SSPN: variants seen among roughly 807,000 people sequenced by gnomAD.
SSPN encodes the protein K-ras oncogene-associated protein.
Under a neutral mutation model 19.1 loss-of-function variants are expected in SSPN, and 15 were observed. The ratio of observed to expected loss-of-function variants is 0.78; its 90% confidence interval spans 0.52 to 1.21. The LOEUF is 1.21. Among genes scored for constraint, SSPN ranks in the 50% most tolerant of loss-of-function variants. SSPN has a pLI of 0.00. For synonymous variants in SSPN, 147 were observed against 140.3 expected (o/e 1.05, Z -0.34); for missense variants, 291 against 314.0 (o/e 0.93, Z 0.55).
intron 1 of SSPN, among the ~76,000 whole-genome samples, chr12:26,156,728 C>T (rs1236743356): frequency 6.6e-6 from 1 of 152,154 alleles, no homozygotes; most frequent in Non-Finnish European, 1.5e-5. Flanking sequence ...ATATAGAGAG[C>T]AGCTCAGGAA....
At chr12:26,218,679 C>T (rs1158767959) in intron 1 of SSPN, among the ~76,000 whole-genome samples, 3 of 152,114 alleles carry the variant, frequency 2.0e-5, no homozygotes, top group African/African-American at 4.8e-5. Context: ...ATATTCTCTC[C>T]AGTCTTTCTG....
intron 1 of SSPN, among the ~76,000 whole-genome samples, chr12:26,143,199 A>G (rs867963483): frequency 2.6e-5 from 4 of 152,232 alleles, no homozygotes; most frequent in African/African-American, 9.6e-5. Flanking sequence ...TCATTTGATT[A>G]AGTATAAAGT....
chr12:26,190,400 G>A (rs1944780039), upstream of SSPN, among the ~76,000 whole-genome samples: 1 of 152,212 alleles, frequency 6.6e-6, no homozygotes, highest in South Asian at 2.1e-4. Flanking sequence ...CTTTCAAGAT[G>A]CATTAGCCGC....
At chr12:26,155,366 C>T (rs569967742) in intron 1 of SSPN, among the ~76,000 whole-genome samples, 1 of 152,120 alleles carries the variant, frequency 6.6e-6, no homozygotes, top group Admixed American at 6.5e-5. Flanking sequence ...GATGGGAGCA[C>T]GTATCTGAAA....
At chr12:26,148,747 T>C (rs1047162435) in intron 1 of SSPN, among the ~76,000 whole-genome samples, 1 of 152,212 alleles carries the variant, frequency 6.6e-6, no homozygotes, top group Non-Finnish European at 1.5e-5. Context: ...TCAGTTGTGC[T>C]TCTAGGTGAC....
chr12:26,207,966 C>T (rs182529247), intron 1 of SSPN, among the ~76,000 whole-genome samples: 1 of 150,112 alleles, frequency 6.7e-6, no homozygotes, highest in East Asian at 2.0e-4. Flanking sequence ...CACCACCGCA[C>T]TTCAGCCTGG....
chr12:26,221,102 CA>C (rs1347853635), intron 1 of SSPN, among the ~76,000 whole-genome samples: 1 of 152,236 alleles, frequency 6.6e-6, no homozygotes, highest in Non-Finnish European at 1.5e-5. Context: ...CCTATTGCTG[CA>C]AACACATCTT....
At chr12:26,130,987 G>A (rs1327912345) in intron 1 of SSPN, among the ~76,000 whole-genome samples, 1 of 151,850 alleles carries the variant, frequency 6.6e-6, no homozygotes, top group Non-Finnish European at 1.5e-5. Flanking sequence ...AGGCTCCACA[G>A]CAATATAGGG....
intron 1 of SSPN, among the ~76,000 whole-genome samples, chr12:26,188,001 A>G (rs1944764724): frequency 6.6e-6 from 1 of 152,178 alleles, no homozygotes; most frequent in Non-Finnish European, 1.5e-5. Flanking sequence ...CAGGGCTAGG[A>G]TACTGGCTAA....
chr12:26,216,204 A>G (rs192279453), intron 1 of SSPN, among the ~76,000 whole-genome samples: 21 of 152,270 alleles, frequency 1.4e-4, no homozygotes, highest in African/African-American at 4.6e-4. Context: ...TAAACCCTAC[A>G]CCAGACATCA....
At chr12:26,228,830 T>G (rs113632103) in intron 2 of SSPN, among the ~76,000 whole-genome samples, 1 of 152,074 alleles carries the variant, frequency 6.6e-6, no homozygotes, top group Non-Finnish European at 1.5e-5. Context: ...AAACTCCAAT[T>G]TTTGCATAAA....
chr12:26,203,584 G>A (rs1001003054), intron 1 of SSPN, among the ~76,000 whole-genome samples: 1 of 152,194 alleles, frequency 6.6e-6, no homozygotes, highest in African/African-American at 2.4e-5. Flanking sequence ...AAGAGTAACT[G>A]TCAGATGCCT....
intron 1 of SSPN, among the ~76,000 whole-genome samples, chr12:26,222,448 G>A (rs554671054): frequency 6.6e-6 from 1 of 152,300 alleles, no homozygotes; most frequent in Admixed American, 6.5e-5. Flanking sequence ...TTTGAAGCTG[G>A]CCCTGGGGTA....
rs750449309 is a variant in SSPN at position 26,123,179 on chromosome 12, G to A, written c.-31+1027G>A. ...TCAGAGATCGCTCCCCTAGGATGAGGAAGGGATGGGGGTGGGGGACGGAGG... is the reference window on the plus strand; with the variant it reads ...TCAGAGATCGCTCCCCTAGGATGAGAAAGGGATGGGGGTGGGGGACGGAGG... On this transcript the variant is annotated intron_variant, in intron 1 of 2. Transcript: ENST00000538142. The A allele has an allele frequency of 3.2e-6, 5 of 1,577,696 alleles. No individual in the cohort carries two copies. In the East Asian group the frequency reaches 1.1e-4, roughly 36 times the overall value.
intron 1 of SSPN, chr12:26,123,248 A>T: frequency 6.8e-7 from 1 of 1,472,004 alleles, no homozygotes; most frequent in African/African-American, 1.4e-5. Flanking sequence ...ACATCTGCTT[A>T]TCACGTGGGC....
chr12:26,155,898 A>T (rs541211581), intron 1 of SSPN, among the ~76,000 whole-genome samples: 1 of 152,254 alleles, frequency 6.6e-6, no homozygotes, highest in East Asian at 1.9e-4. Flanking sequence ...CAGGTAGAGG[A>T]TCTGAGTTCT....
chr12:26,145,644 C>T (rs17464196), intron 1 of SSPN, among the ~76,000 whole-genome samples: 40,656 of 152,116 alleles, frequency 0.27, 5,644 homozygotes, highest in South Asian at 0.37. Context: ...TTTTCACTCT[C>T]GACTGTGAGT....
chr12:26,156,793 C>G (rs529302112), intron 1 of SSPN, among the ~76,000 whole-genome samples: 10 of 152,148 alleles, frequency 6.6e-5, no homozygotes, highest in Non-Finnish European at 1.2e-4. Flanking sequence ...GAGGACACAG[C>G]GAGACATAGC....
intron 1 of SSPN, among the ~76,000 whole-genome samples, chr12:26,136,958 A>T (rs1353259518): frequency 6.6e-6 from 1 of 152,230 alleles, no homozygotes; most frequent in African/African-American, 2.4e-5. Context: ...TAAATGAATG[A>T]CATGGGTGAA....
Sources: gnomAD v4.1 joint callset for allele counts (sites outside exome capture counted in the v4.1 genomes callset) on GRCh38, gnomAD v4.1.1 for gene constraint, MANE v1.5 for transcripts, NCBI Gene and HGNC (gene_info 2026-07-23, HGNC 2026-07-21) for gene names.